The following RAB38 variants were observed in gnomAD, a reference collection of about 807,000 sequenced individuals.
RAB38 encodes the protein RAB38, member RAS oncogene family, also known as ras-related protein Rab-38.
A neutral mutation model predicts 18.4 loss-of-function variants in RAB38; 15 were observed. The observed-to-expected ratio is 0.82, with a 90% CI of 0.55 to 1.26. The LOEUF is 1.26. Among genes scored for constraint, RAB38 ranks in the 50% most tolerant of loss-of-function variants. The pLI is 0.00. For synonymous variants in RAB38, 101 were observed against 104.4 expected (o/e 0.97, Z 0.20); for missense variants, 294 against 267.4 (o/e 1.10, Z -0.69).
chr11:87,951,717 T>C, the RAB38 span, among the ~76,000 whole-genome samples: 2 of 152,106 alleles, frequency 1.3e-5, no homozygotes, highest in Non-Finnish European at 2.9e-5. Flanking sequence ...CAGCGGATAT[T>C]GGTGAACCGC....
At chr11:87,906,622 C>T in the RAB38 span, among the ~76,000 whole-genome samples, 3 of 151,794 alleles carry the variant, frequency 2.0e-5, no homozygotes, top group Non-Finnish European at 4.4e-5. Context: ...ATTTTAAAAT[C>T]CAAGTAGTAC....
At chr11:87,901,142 C>T in the RAB38 span, among the ~76,000 whole-genome samples, 1 of 151,500 alleles carries the variant, frequency 6.6e-6, no homozygotes, top group African/African-American at 2.4e-5. Context: ...ATTATAGATA[C>T]TAGTTGTCCT....
At chr11:87,824,170 A>G in the RAB38 span, among the ~76,000 whole-genome samples, 1 of 152,224 alleles carries the variant, frequency 6.6e-6, no homozygotes, top group Non-Finnish European at 1.5e-5. Flanking sequence ...ATAGGTGAAG[A>G]TGAATCACTG....
the RAB38 span, among the ~76,000 whole-genome samples, chr11:88,081,935 T>C: frequency 6.6e-6 from 1 of 151,880 alleles, no homozygotes; most frequent in African/African-American, 2.4e-5. Flanking sequence ...CAGAATGAAC[T>C]ACTAATACAT....
At chr11:88,055,827 C>CA in the RAB38 span, among the ~76,000 whole-genome samples, 1 of 152,250 alleles carries the variant, frequency 6.6e-6, no homozygotes, top group South Asian at 2.1e-4. Context: ...TGCAGCAACT[C>CA]AGAGTAGGAG....
the RAB38 span, among the ~76,000 whole-genome samples, chr11:88,010,824 C>T: frequency 6.6e-6 from 1 of 152,276 alleles, no homozygotes; most frequent in East Asian, 1.9e-4. Flanking sequence ...TAATCTCAAC[C>T]CTTTTACCTT....
chr11:88,117,706 G>A (rs1447309635), intron 2 of RAB38, among the ~76,000 whole-genome samples: 1 of 152,108 alleles, frequency 6.6e-6, no homozygotes, highest in Non-Finnish European at 1.5e-5. Context: ...CCTACTTTCT[G>A]GTTGCATGAC....
the RAB38 span, among the ~76,000 whole-genome samples, chr11:87,850,194 T>C: frequency 6.6e-6 from 1 of 152,142 alleles, no homozygotes; most frequent in East Asian, 1.9e-4. Flanking sequence ...TAACCATTAC[T>C]AAAGTACCAA....
At chr11:87,913,944 T>A in the RAB38 span, among the ~76,000 whole-genome samples, 1 of 151,412 alleles carries the variant, frequency 6.6e-6, no homozygotes, top group East Asian at 2.0e-4. Context: ...TAAGAAATAT[T>A]TTTTTTTTCT....
chr11:87,935,818 T>C, the RAB38 span, among the ~76,000 whole-genome samples: 3 of 152,136 alleles, frequency 2.0e-5, no homozygotes, highest in African/African-American at 7.2e-5. Flanking sequence ...TGAAGAATGA[T>C]ATGTAAATAG....
the RAB38 span, among the ~76,000 whole-genome samples, chr11:87,933,164 C>T: frequency 2.6e-5 from 4 of 152,030 alleles, no homozygotes; most frequent in African/African-American, 9.7e-5. Flanking sequence ...GTTTTGAAAG[C>T]AGAGAAGCCA....
At chr11:87,838,119 A>T in the RAB38 span, among the ~76,000 whole-genome samples, 7,025 of 144,730 alleles carry the variant, frequency 0.049, 219 homozygotes, top group African/African-American at 0.097. Flanking sequence ...TTTTATTTTT[A>T]TTTTTTTTTT....
the RAB38 span, among the ~76,000 whole-genome samples, chr11:87,807,113 G>T: frequency 6.6e-6 from 1 of 152,018 alleles, no homozygotes; most frequent in African/African-American, 2.4e-5. Context: ...TGCATAGTCC[G>T]TTTGAGAATC....
chr11:87,855,982 A>C, the RAB38 span, among the ~76,000 whole-genome samples: 1 of 152,146 alleles, frequency 6.6e-6, no homozygotes, highest in African/African-American at 2.4e-5. Context: ...GTGTTCCTTA[A>C]ACTTTTTTAA....
intron 1 of RAB38, chr11:88,173,893 G>A: frequency 1.0e-6 from 1 of 985,446 alleles, no homozygotes. Context: ...AAAGTCCCCA[G>A]ATCACAAATG....
chr11:87,869,649 G>GA, the RAB38 span, among the ~76,000 whole-genome samples: 4 of 151,640 alleles, frequency 2.6e-5, no homozygotes, highest in African/African-American at 2.4e-5. Context: ...GTTTTGAACT[G>GA]AAAAAAATAA....
chr11:87,878,256 A>C, the RAB38 span, among the ~76,000 whole-genome samples: 1 of 37,248 alleles, frequency 2.7e-5, no homozygotes, highest in African/African-American at 1.1e-4. Context: ...CCTATCATCT[A>C]TCTATCTATC....
the RAB38 span, among the ~76,000 whole-genome samples, chr11:87,883,986 G>A: frequency 1.3e-5 from 2 of 151,830 alleles, no homozygotes; most frequent in Admixed American, 6.6e-5. Flanking sequence ...TGTGGTGATC[G>A]GTTATGGCAG....
chr11:88,173,474 A>T, intron 1 of RAB38: 1 of 956,456 alleles, frequency 1.0e-6, no homozygotes, highest in Non-Finnish European at 1.2e-6. Context: ...TCAACTCTGG[A>T]ATTTGGGCTA....
Sources: gnomAD v4.1 joint callset for allele counts (sites outside exome capture counted in the v4.1 genomes callset) on GRCh38, gnomAD v4.1.1 for gene constraint, MANE v1.5 for transcripts, NCBI Gene and HGNC (gene_info 2026-07-23, HGNC 2026-07-21) for gene names.